STAG3: variants seen among roughly 807,000 people sequenced by gnomAD.
STAG3 encodes cohesin subunit SA-3.
STAG3 carries 101 observed loss-of-function variants against 160.7 expected under a neutral mutation model. The observed-to-expected ratio is 0.63, with a 90% CI of 0.54 to 0.74. The LOEUF (loss-of-function observed/expected upper bound fraction) is 0.74. Ranked by LOEUF, STAG3 falls within the 30% of genes least tolerant of loss-of-function variation. STAG3 has a pLI of 0.00. For synonymous variants in STAG3, 519 were observed against 585.0 expected, an observed-to-expected ratio of 0.89 and a Z score of 1.63; for missense variants, 1,188 against 1,517.4, an observed-to-expected ratio of 0.78 and a Z score of 3.61.
intron 15 of STAG3, 77 bp downstream of exon 15, chr7:100,199,444 T>C (rs1800924754): frequency 6.4e-7 from 1 of 1,550,668 alleles, no homozygotes; most frequent in Admixed American, 1.7e-5. Context: ...TTGCTTCACT[T>C]GTACAAGGCA....
downstream of STAG3, among the ~76,000 whole-genome samples, chr7:100,217,751 A>G (rs890096620): frequency 2.0e-5 from 3 of 152,118 alleles, no homozygotes; most frequent in African/African-American, 7.3e-5. Flanking sequence ...AGGCGGAGAG[A>G]GAGAGGACAG....
intron 3 of STAG3, among the ~76,000 whole-genome samples, chr7:100,182,444 G>T (rs1799709021): frequency 6.6e-6 from 1 of 152,036 alleles, no homozygotes; most frequent in East Asian, 1.9e-4. Context: ...ATTAAGGGAT[G>T]GAAATAGGAA....
Position 100,198,527 on chromosome 7 carries a change from G to C in STAG3, c.1297G>C (p.Val433Leu), listed in dbSNP as rs1251494717. ...DADCESVYPV[V>L]YASHRGLASA... ...GGATTGTGAGAGCGTCTACCCAGTT[G>C]TGTATGCCTCTCATCGAGGCCTGGC... The change falls in exon 13 of 34, where the codon GTG (valine) becomes CTG (leucine). Residue 433 changes from valine (V) to leucine (L), a missense_variant. Physicochemically the swap from Val to Leu is conservative, Grantham distance 32. Transcript: ENST00000615138. 6.2e-7 allele frequency: 1 copy of C among 1,614,198 alleles called. No homozygotes were observed. The highest frequency in any genetic ancestry group is 1.1e-5 in the South Asian group (1 of 91,080).
downstream of STAG3, among the ~76,000 whole-genome samples, chr7:100,215,847 G>A (rs1802710891): frequency 6.6e-6 from 1 of 152,114 alleles, no homozygotes; most frequent in Admixed American, 6.6e-5. Context: ...TGATAGAAAT[G>A]ATGCCATGCT....
chr7:100,198,776 C>T (rs1339459576), intron 13 of STAG3, 67 bp from the exon 14 acceptor site: 9 of 1,435,046 alleles, frequency 6.3e-6, no homozygotes, highest in Non-Finnish European at 8.8e-6. Flanking sequence ...CATCTCCTCC[C>T]TCTGTGGTCG....
chr7:100,186,087 A>G, intron 4 of STAG3, 113 bp from the exon 5 acceptor site: 1 of 876,694 alleles, frequency 1.1e-6, no homozygotes, highest in South Asian at 1.5e-5. Flanking sequence ...ACATTGTGAA[A>G]GATGTTTTAA....
chr7:100,213,333 G>A (rs1174869018), intron 32 of STAG3: 5 of 985,416 alleles, frequency 5.1e-6, no homozygotes, highest in Middle Eastern at 5.2e-4. Context: ...ATCTTCTGCT[G>A]TTATTCTTCT....
At chr7:100,200,078 A>AAAC in intron 16 of STAG3, 158 bp from the exon 17 acceptor site, 1 of 582,742 alleles carries the variant, frequency 1.7e-6, no homozygotes, top group South Asian at 2.4e-5. Flanking sequence ...AAAAAAAAAA[A>AAAC]AAAAGGAGTT....
chr7:100,201,532 T>G, intron 21 of STAG3, 181 bp downstream of exon 21: 1 of 641,034 alleles, frequency 1.6e-6, no homozygotes. Context: ...ACTTCCAGGG[T>G]CTTCTTGGAT....
At chr7:100,206,989 T>C (rs1801711565) in intron 29 of STAG3, among the ~76,000 whole-genome samples, 1 of 152,248 alleles carries the variant, frequency 6.6e-6, no homozygotes, top group Non-Finnish European at 1.5e-5. Flanking sequence ...ATATAATATG[T>C]GGCCTTTTAT....
intron 8 of STAG3, among the ~76,000 whole-genome samples, chr7:100,191,327 A>G (rs1349540425): frequency 6.6e-6 from 1 of 152,196 alleles, no homozygotes; most frequent in African/African-American, 2.4e-5. Context: ...TGCTAGTTCC[A>G]CTTCTATTAA....
downstream of STAG3, chr7:100,218,633 C>T (rs1727143): frequency 9.7e-4 from 356 of 366,820 alleles, 5 homozygotes; most frequent in African/African-American, 6.8e-3. Flanking sequence ...GAGAGTCTTC[C>T]GTTACTAGGT....
In STAG3 at chr7:100,201,127, C is replaced by T. The variant is rs749566755; in HGVS notation, c.2099C>T (p.Ala700Val). ...FLDEDEVYNL[A>V]ATLKRLSAFY... ...GATGAGGATGAGGTATATAATCTGG[C>T]AGCCACTCTGAAACGCCTCTCTGCC... is the stretch of plus-strand genomic sequence containing the variant. Residue 700 changes from alanine (A) to valine (V), a missense_variant, in exon 20 of 34, where the codon GCA (alanine) becomes GTA (valine). By Grantham distance (64) the Ala-to-Val change is moderately conservative. Around this residue, in one of 4 missense-constraint regions of STAG3, gnomAD observed 647 missense variants for 717.2 expected, o/e 0.90. Transcript: ENST00000615138. 5 of 1,614,256 alleles carry T rather than the reference C, an allele frequency of 3.1e-6. No individual in the cohort carries two copies. The African/African-American group carries it at 4.0e-5, about 13-fold the overall frequency.
At chr7:100,214,912 TTGG>T (rs771560447), downstream of STAG3, 7 of 152,192 alleles carry the variant, frequency 4.6e-5, no homozygotes, top group East Asian at 1.9e-4. Flanking sequence ...CTGTCAAGAC[TTGG>T]TGAAGAAAAT....
chr7:100,217,192 A>C (rs1375987816), downstream of STAG3, among the ~76,000 whole-genome samples: 1 of 152,166 alleles, frequency 6.6e-6, no homozygotes, highest in Non-Finnish European at 1.5e-5. Flanking sequence ...ATGTTTCTTT[A>C]TTTCTACTGC....
chr7:100,187,441 A>G (rs568654290), intron 5 of STAG3, among the ~76,000 whole-genome samples: 1 of 150,038 alleles, frequency 6.7e-6, no homozygotes, highest in Admixed American at 6.7e-5. Context: ...TTGTACAAAT[A>G]GTGCAAGGGG....
rs573858879 is a variant in STAG3, at chr7:100,198,955, G to A, written c.1465G>A (p.Glu489Lys). ...TCTGCTGTCCTTCTTTGTGGAGAGC[G>A]AGGTGACATACACAGAGAGAAGTCT... Reference protein sequence around the residue: ...QLLLSFFVESELHDHAAYLVD... With the variant: ...QLLLSFFVESKLHDHAAYLVD... Residue 489 changes from glutamate to lysine, a missense_variant and splice_region_variant, in exon 14 of 34, where the codon GAG becomes AAG. By Grantham distance (56) the Glu-to-Lys change is moderately conservative. This residue lies in a region of STAG3 where 240 missense variants were observed against 358.1 expected (regional missense o/e 0.67). Transcript: ENST00000615138. The A allele has an allele frequency of 4.4e-6, 7 of 1,608,286 alleles. No homozygotes were observed. Among genetic ancestry groups the A allele is most frequent in the East Asian group, 2.2e-5 (1 of 44,676 alleles).
chr7:100,212,065 G>A, intron 32 of STAG3, 189 bp downstream of exon 32: 5 of 526,436 alleles, frequency 9.5e-6, no homozygotes, highest in East Asian at 3.1e-5. Context: ...TAAAGAATAA[G>A]GAAAAGAAAT....
intron 8 of STAG3, among the ~76,000 whole-genome samples, chr7:100,191,527 CTGTT>C (rs1003157547): frequency 1.2e-4 from 18 of 152,182 alleles, no homozygotes; most frequent in Non-Finnish European, 2.2e-4. Context: ...ACACTGTAGT[CTGTT>C]AAGTGTGCAA....
Sources: gnomAD v4.1 joint callset for allele counts (sites outside exome capture counted in the v4.1 genomes callset) on GRCh38, gnomAD v4.1.1 for gene constraint, gnomAD v4.1.1 regional missense constraint, MANE v1.5 for transcripts, NCBI Gene and HGNC (gene_info 2026-07-23, HGNC 2026-07-21) for gene names.